The following MAOA variants were observed in gnomAD, a reference collection of about 807,000 sequenced individuals.
The protein encoded by MAOA is monoamine oxidase A, also known as amine oxidase [flavin-containing] A.
Under a neutral mutation model 42.0 loss-of-function variants are expected in MAOA, and 6 were observed. That is an observed-to-expected ratio of 0.14 (90% CI 0.08 to 0.28). The LOEUF (loss-of-function observed/expected upper bound fraction) is 0.28, where lower values mean the gene tolerates loss of function less well. Among genes scored for constraint, MAOA ranks in the 10% least tolerant of loss-of-function variants. The probability of loss-of-function intolerance (pLI) is 1.00; values close to 1 mark genes in which losing one functional copy is unlikely to be tolerated. For missense variants in MAOA, 262 were observed against 422.3 expected (o/e 0.62, Z 3.33); for synonymous variants, 140 against 154.0 (o/e 0.91, Z 0.67).
chrX:43,741,510 T>G (rs1169957688), intron 11 of MAOA, among the ~76,000 whole-genome samples: 1 of 111,911 alleles, frequency 8.9e-6, no homozygotes, highest in African/African-American at 3.3e-5. Flanking sequence ...GACATTTGTT[T>G]GTCTTCTGCC....
At chrX:43,671,341 AG>A (rs2033332677) in intron 1 of MAOA, among the ~76,000 whole-genome samples, 1 of 110,731 alleles carries the variant, frequency 9.0e-6, no homozygotes, top group South Asian at 3.8e-4. Context: ...TCTGGACATT[AG>A]CCCTTTGTCA....
chrX:43,670,120 T>A (rs1159885134), intron 1 of MAOA, among the ~76,000 whole-genome samples: 2 of 112,082 alleles, frequency 1.8e-5, no homozygotes, highest in Non-Finnish European at 3.8e-5. Flanking sequence ...TGTTTAATCT[T>A]CACATTACCC....
rs779805250 is a variant in MAOA, at chrX:43,731,280, C to T, written c.685C>T (p.Arg229Trp). Reference sequence around the variant, plus strand: ...AGGTGGATCTGGTCAAGTGAGCGAACGGATAATGGACCTCCTCGGAGACCA... The same window carrying T: ...AGGTGGATCTGGTCAAGTGAGCGAATGGATAATGGACCTCCTCGGAGACCA... ...FVGGSGQVSE[R>W]IMDLLGDQVK... is the part of the protein sequence containing the mutation. Residue 229 changes from arginine (R) to tryptophan (W), a missense_variant, in exon 7 of 15, where the codon CGG (arginine) becomes TGG (tryptophan). By Grantham distance (101) the Arg-to-Trp change is moderately radical. Around this residue, in one of 3 missense-constraint regions of MAOA, gnomAD observed 141 missense variants for 195.6 expected, o/e 0.72. Transcript: ENST00000338702. 2.5e-6 allele frequency: 3 copies of T among 1,208,168 alleles called. No individual in the cohort carries two copies. Among genetic ancestry groups the T allele is most frequent in the Non-Finnish European group, 3.4e-6 (3 of 893,545 alleles).
chrX:43,665,355 G>A (rs1202634185), intron 1 of MAOA, among the ~76,000 whole-genome samples: 14 of 111,165 alleles, frequency 1.3e-4, no homozygotes, highest in Non-Finnish European at 3.8e-5. Flanking sequence ...AACAGTATAT[G>A]GTGTCTCAAC....
Position 43,700,034 on chromosome X carries a change from G to A in MAOA, c.306+6606G>A, listed in dbSNP as rs376938218. Among the ~76,000 whole-genome samples, 278 of 112,215 alleles carry A rather than the reference G, an allele frequency of 2.5e-3. 1 individual carries two copies. Among genetic ancestry groups the A allele is most frequent in the African/African-American group, 8.3e-3 (256 of 30,929 alleles). The stretch of plus-strand genomic sequence containing the variant: ...TCTCTCAGAAGGAAACTCAAGAAGC[G>A]GAAAGTGTGAAGTCTTTGTAGGGAT... On this transcript the variant is annotated intron_variant, in intron 3 of 14. Coordinates refer to ENST00000338702, the MANE Select transcript of MAOA (RefSeq NM_000240.4).
At chrX:43,659,378 A>G (rs1048671523) in intron 1 of MAOA, among the ~76,000 whole-genome samples, 2 of 111,500 alleles carry the variant, frequency 1.8e-5, no homozygotes, top group Non-Finnish European at 3.8e-5. Flanking sequence ...ATCATTCATC[A>G]TCTATCACCC....
At chrX:43,676,437 G>A (rs1201993181) in intron 1 of MAOA, among the ~76,000 whole-genome samples, 1 of 110,951 alleles carries the variant, frequency 9.0e-6, no homozygotes, top group African/African-American at 3.3e-5. Flanking sequence ...CTCGCGCACG[G>A]TGCACCGCAC....
intron 7 of MAOA, 52 bp from the exon 8 acceptor site, chrX:43,731,642 A>G (rs2033881995): frequency 8.8e-7 from 1 of 1,134,356 alleles, no homozygotes; most frequent in Non-Finnish European, 1.2e-6. Flanking sequence ...CACGCCTGCC[A>G]CAAAGACTGC....
chrX:43,665,444 C>T (rs1045769655), intron 1 of MAOA, among the ~76,000 whole-genome samples: 1 of 111,096 alleles, frequency 9.0e-6, no homozygotes, highest in Non-Finnish European at 1.9e-5. Flanking sequence ...GGAACTACAG[C>T]CCATCCTAGT....
chrX:43,661,774 G>A (rs888482524), intron 1 of MAOA, among the ~76,000 whole-genome samples: 27 of 110,231 alleles, frequency 2.4e-4, no homozygotes, highest in African/African-American at 8.9e-4. Context: ...TTTTTATTTT[G>A]CAATTAAATT....
At chrX:43,662,250 T>C (rs1437006233) in intron 1 of MAOA, among the ~76,000 whole-genome samples, 1 of 111,693 alleles carries the variant, frequency 9.0e-6, no homozygotes, top group African/African-American at 3.3e-5. Flanking sequence ...AGGACACTTC[T>C]CTGCCCCTAA....
intron 5 of MAOA, among the ~76,000 whole-genome samples, chrX:43,717,211 A>G (rs1212440928): frequency 1.8e-5 from 2 of 110,725 alleles, no homozygotes; most frequent in Non-Finnish European, 3.8e-5. Flanking sequence ...CTCTGGGGGG[A>G]AACAGGGAAG....
chrX:43,703,367 C>T (rs1346604143), intron 3 of MAOA, among the ~76,000 whole-genome samples: 3 of 111,832 alleles, frequency 2.7e-5, no homozygotes, highest in Non-Finnish European at 3.8e-5. Flanking sequence ...ACGAGGAGGA[C>T]GGGCTAAGGG....
At chrX:43,719,294 C>G (rs1446594959) in intron 5 of MAOA, among the ~76,000 whole-genome samples, 1 of 110,600 alleles carries the variant, frequency 9.0e-6, no homozygotes. Context: ...ATGAGGCACA[C>G]TGGCAGTAGT....
intron 2 of MAOA, among the ~76,000 whole-genome samples, chrX:43,690,693 T>C (rs2033525664): frequency 8.9e-6 from 1 of 112,012 alleles, no homozygotes; most frequent in African/African-American, 3.2e-5. Flanking sequence ...CCAAGTTTTT[T>C]CATATCATAT....
At chrX:43,702,145 G>C (rs767979564) in intron 3 of MAOA, among the ~76,000 whole-genome samples, 2 of 112,153 alleles carry the variant, frequency 1.8e-5, no homozygotes, top group Non-Finnish European at 3.8e-5. Flanking sequence ...TGTTGAGCCA[G>C]CTAGAAAACC....
At chrX:43,726,896 C>T (rs754077247) in intron 5 of MAOA, among the ~76,000 whole-genome samples, 6 of 111,670 alleles carry the variant, frequency 5.4e-5, no homozygotes, top group East Asian at 2.8e-4. Context: ...TGATGCTATT[C>T]CTTTCTGCTT....
chrX:43,667,069 A>G (rs1383088333), intron 1 of MAOA, among the ~76,000 whole-genome samples: 2 of 109,719 alleles, frequency 1.8e-5, no homozygotes, highest in South Asian at 4.1e-4. Context: ...CAGCACACCA[A>G]CCTGGTGCAT....
chrX:43,713,394 G>C (rs776355490), intron 5 of MAOA, among the ~76,000 whole-genome samples: 2 of 111,568 alleles, frequency 1.8e-5, no homozygotes, highest in Non-Finnish European at 1.9e-5. Context: ...TTAATACCTA[G>C]GTGATGGGTT....
Sources: allele counts gnomAD v4.1 joint callset (sites outside exome capture counted in the v4.1 genomes callset), GRCh38; gene constraint gnomAD v4.1.1; regional missense constraint gnomAD v4.1.1; transcripts MANE v1.5; gene names NCBI Gene and HGNC (gene_info 2026-07-23, HGNC 2026-07-21).